The following DEPDC5 variants were observed in gnomAD, a reference collection of about 807,000 sequenced individuals.
DEPDC5 encodes the protein DEP domain containing 5, GATOR1 subcomplex subunit.
In DEPDC5, 73 loss-of-function variants were observed where a neutral mutation model predicts 217.3. The ratio of observed to expected loss-of-function variants is 0.34; its 90% CI spans 0.28 to 0.41. The LOEUF is 0.41. Among genes scored for constraint, DEPDC5 ranks in the 10% least tolerant of loss-of-function variants. The pLI, the probability that DEPDC5 is intolerant of heterozygous loss-of-function variation, is 1.00. For missense variants in DEPDC5, 1,675 were observed against 2,070.1 expected (o/e 0.81, Z 3.70); for synonymous variants, 733 against 756.7 (o/e 0.97, Z 0.51).
chr22:31,768,490 A>G (rs996942832), intron 6 of DEPDC5, among the ~76,000 whole-genome samples: 2 of 152,202 alleles, frequency 1.3e-5, no homozygotes, highest in African/African-American at 4.8e-5. Flanking sequence ...TTAAATGAGT[A>G]TGTAAATGCA....
chr22:31,794,542 C>T (rs930899716), intron 12 of DEPDC5, among the ~76,000 whole-genome samples: 1 of 151,984 alleles, frequency 6.6e-6, no homozygotes, highest in African/African-American at 2.4e-5. Context: ...TTGAGAGAAA[C>T]TGGTTATCTT....
intron 4 of DEPDC5, among the ~76,000 whole-genome samples, chr22:31,764,204 G>T (rs891623837): frequency 2.6e-5 from 4 of 152,018 alleles, no homozygotes; most frequent in East Asian, 1.9e-4. Flanking sequence ...CCAATTTAAA[G>T]ATTTTAAAAG....
chr22:31,826,001 T>C (rs1298405646), intron 24 of DEPDC5, among the ~76,000 whole-genome samples: 1 of 152,056 alleles, frequency 6.6e-6, no homozygotes, highest in Admixed American at 6.6e-5. Context: ...CATGAAGAGA[T>C]TGAATTTTTT....
chr22:31,891,227 G>A (rs774356613), intron 38 of DEPDC5: 86 of 586,222 alleles, frequency 1.5e-4, no homozygotes, highest in Non-Finnish European at 2.6e-4. Context: ...CCAAGTCATC[G>A]ACAATAACGT....
chr22:31,829,694 T>C (rs545041065), intron 24 of DEPDC5, among the ~76,000 whole-genome samples: 2 of 152,270 alleles, frequency 1.3e-5, no homozygotes, highest in East Asian at 3.9e-4. Flanking sequence ...GAGTATCATC[T>C]CTGTGGGTTT....
Position 31,879,105 on chromosome 22 carries a change from TAC to T in DEPDC5, c.3806-418_3806-417del, listed in dbSNP as rs2093101718. Among the ~76,000 whole-genome samples, 5 of 132,124 alleles carry T rather than the reference TAC, an allele frequency of 3.8e-5. No individual in the cohort carries two copies. The South Asian group carries it at 6.6e-4, about 17-fold the overall frequency. 86.7% of individuals were successfully genotyped at this position (132,124 alleles called of 152,430 possible). On this transcript the variant is annotated intron_variant, in intron 37 of 42. Transcript: ENST00000651528. ...ACGTATATATATATACACATATATA[TAC>T]ATATATATACACATATATATATACA...
chr22:31,848,694 G>T lies in DEPDC5; in HGVS notation c.3155+1727G>T, dbSNP rs1038527390. Among the ~76,000 whole-genome samples, 3 of 152,172 alleles carry T rather than the reference G, an allele frequency of 2.0e-5. No individual in the cohort carries two copies. The South Asian group carries it at 6.2e-4, about 32-fold the overall frequency. On this transcript the variant is annotated intron_variant, in intron 31 of 42. Coordinates refer to ENST00000651528, the MANE Select transcript of DEPDC5 (RefSeq NM_001242896.3). ...ATGCCCTGGAGACATTTTCCCCATT[G>T]TCTTGGTGATTAACATTAAGCTCCT... is the stretch of plus-strand genomic sequence containing the variant.
intron 35 of DEPDC5, 37 bp from the exon 36 acceptor site, chr22:31,874,236 A>G (rs1407239094): frequency 6.3e-7 from 1 of 1,592,016 alleles, no homozygotes; most frequent in Admixed American, 1.7e-5. Flanking sequence ...TGGGGCACAC[A>G]CATCCCCTGC....
intron 33 of DEPDC5, among the ~76,000 whole-genome samples, chr22:31,868,216 C>T (rs1354570476): frequency 6.6e-6 from 1 of 151,994 alleles, no homozygotes; most frequent in Non-Finnish European, 1.5e-5. Flanking sequence ...GGAACTTTAC[C>T]CCCCAAGGGA....
Position 31,754,793 on chromosome 22 carries a change from C to T in DEPDC5, c.-60-69C>T, listed in dbSNP as rs948942099. The T allele has an allele frequency of 8.4e-6, 9 of 1,071,138 alleles. No individual in the cohort carries two copies. In the African/African-American group the frequency reaches 1.4e-4, roughly 17 times the overall value. The allele number at this position is 1,071,138 out of a possible 1,614,324, so 66.4% of individuals were successfully genotyped here. A position where few individuals can be genotyped will look rare whatever the true frequency, so the allele number is the denominator to read the frequency against. ...GAGGAACACCAGTATCTTCACTGGCCTAAAATCAAAGAGTGGTTGCAAGGA... is the reference window on the plus strand; with the variant it reads ...GAGGAACACCAGTATCTTCACTGGCTTAAAATCAAAGAGTGGTTGCAAGGA... On this transcript the variant is annotated intron_variant, in intron 1 of 42. Coordinates refer to ENST00000651528, the MANE Select transcript of DEPDC5 (RefSeq NM_001242896.3).
chr22:31,846,774 G>C lies in DEPDC5; in HGVS notation c.3022-60G>C. ...AATGCTGCAGCATGCCCTGGGGCAT[G>C]AGTGGCTTCCACTGAGAGCCCACTT... On this transcript the variant is annotated intron_variant, in intron 30 of 42. Coordinates refer to ENST00000651528, the MANE Select transcript of DEPDC5 (RefSeq NM_001242896.3). The C allele has an allele frequency of 4.3e-6, 7 of 1,611,424 alleles. No individual in the cohort carries two copies. In the Admixed American group the frequency reaches 1.0e-4, roughly 23 times the overall value.
chr22:31,804,881 G>C lies in DEPDC5; in HGVS notation c.1183G>C (p.Asp395His). Residue 395 changes from aspartate (D) to histidine (H), a missense_variant, in exon 17 of 43, where the codon GAT (aspartate) becomes CAT (histidine). This residue lies in a region of DEPDC5 where 628 missense variants were observed against 762.1 expected (regional missense o/e 0.82). Coordinates refer to ENST00000651528, the MANE Select transcript of DEPDC5 (RefSeq NM_001242896.3). ...RSAPRDSRLG[D>H]DYNIPHWINH... Reference sequence around the variant, plus strand: ...TGCTCCCCGTGATTCTCGTCTGGGCGATGACTATAATATCCCTCACTGGAT... The same window carrying C: ...TGCTCCCCGTGATTCTCGTCTGGGCCATGACTATAATATCCCTCACTGGAT... 1 of 1,613,934 alleles carries C rather than the reference G, an allele frequency of 6.2e-7. No homozygotes were observed. The highest frequency in any genetic ancestry group is 1.3e-5 in the African/African-American group (1 of 75,036).
At chr22:31,755,274 A>G (rs1569505260) in intron 2 of DEPDC5, 3 of 426,308 alleles carry the variant, frequency 7.0e-6, no homozygotes, top group Non-Finnish European at 1.3e-5. Flanking sequence ...TCCAGCCTGC[A>G]CTGGTTTGGC....
chr22:31,905,734 A>C (rs578143535), intron 41 of DEPDC5, among the ~76,000 whole-genome samples: 1 of 152,194 alleles, frequency 6.6e-6, no homozygotes, highest in African/African-American at 2.4e-5. Context: ...TGGTAGTGAC[A>C]TGGTGGACCA....
intron 37 of DEPDC5, among the ~76,000 whole-genome samples, chr22:31,878,162 C>T (rs142185144): frequency 1.3e-5 from 2 of 148,474 alleles, no homozygotes; most frequent in African/African-American, 5.0e-5. Context: ...ACTCCAGCTT[C>T]GTGACAGAGC....
chr22:31,872,593 G>C (rs971327363), intron 34 of DEPDC5, among the ~76,000 whole-genome samples: 1 of 152,136 alleles, frequency 6.6e-6, no homozygotes, highest in Non-Finnish European at 1.5e-5. Flanking sequence ...CCTGTGAAAG[G>C]CTCTTGGGGC....
Position 31,905,883 on chromosome 22 carries a change from CTG to C in DEPDC5, c.4437-97_4437-96del, listed in dbSNP as rs1027245270. The C allele has an allele frequency of 1.1e-5, 11 of 1,033,426 alleles. No individual in the cohort carries two copies. In the South Asian group the frequency reaches 1.1e-4, roughly 10 times the overall value. The allele number at this position is 1,033,426 out of a possible 1,614,324, so 64.0% of individuals were successfully genotyped here. A position where few individuals can be genotyped will look rare whatever the true frequency, so the allele number is the denominator to read the frequency against. ...TCTGGAAAGAGATCTTTCCAGATCT[CTG>C]TGTCTCAGGCTGTCCGAGAGTCCTA... On this transcript the variant is annotated intron_variant, in intron 41 of 42. Transcript: ENST00000651528.
intron 16 of DEPDC5, 130 bp downstream of exon 16, chr22:31,804,353 G>A (rs909919676): frequency 2.3e-6 from 2 of 853,100 alleles, no homozygotes; most frequent in African/African-American, 3.4e-5. Flanking sequence ...GATCCCTTAA[G>A]CCTAGGAGTT....
chr22:31,823,800 T>C (rs1046653281), intron 24 of DEPDC5, among the ~76,000 whole-genome samples: 9 of 152,146 alleles, frequency 5.9e-5, no homozygotes, highest in Non-Finnish European at 5.9e-5. Flanking sequence ...GGTAGAAATA[T>C]TAAAGTAACC....
Sources: gnomAD v4.1 joint callset for allele counts (sites outside exome capture counted in the v4.1 genomes callset) on GRCh38, gnomAD v4.1.1 for gene constraint, gnomAD v4.1.1 regional missense constraint, MANE v1.5 for transcripts, NCBI Gene and HGNC (gene_info 2026-07-23, HGNC 2026-07-21) for gene names.